The following DAB1 variants were observed in gnomAD, a reference collection of about 807,000 sequenced individuals.
DAB1 encodes disabled homolog 1.
In DAB1, 15 loss-of-function variants were observed where a neutral mutation model predicts 64.6. The observed-to-expected ratio is 0.23, with a 90% CI of 0.16 to 0.36. The LOEUF is 0.36. DAB1 is among the 10% of genes least tolerant of loss of function. The pLI, the probability that DAB1 is intolerant of heterozygous loss-of-function variation, is 1.00. For synonymous variants in DAB1, 235 were observed against 251.9 expected, an observed-to-expected ratio of 0.93 and a Z score of 0.64; for missense variants, 596 against 706.7, an observed-to-expected ratio of 0.84 and a Z score of 1.78.
chr1:57,411,714 A>T (rs1684129246), intron 1 of DAB1, among the ~76,000 whole-genome samples: 1 of 152,106 alleles, frequency 6.6e-6, no homozygotes, highest in Non-Finnish European at 1.5e-5. Context: ...CCGCATCCCC[A>T]CTGGCCCATT....
intron 7 of DAB1, among the ~76,000 whole-genome samples, chr1:57,436,339 A>G (rs1371892911): frequency 6.6e-6 from 1 of 152,202 alleles, no homozygotes; most frequent in East Asian, 1.9e-4. Flanking sequence ...CAGCTCCGTT[A>G]CAATCTTATA....
intron 7 of DAB1, among the ~76,000 whole-genome samples, chr1:57,543,134 A>G (rs1644821564): frequency 6.6e-6 from 1 of 152,046 alleles, no homozygotes; most frequent in Non-Finnish European, 1.5e-5. Context: ...CTGCTCCTGG[A>G]CTCCTGACCC....
chr1:58,415,256 C>T (rs1415204701), intron 3 of DAB1: 1 of 154,924 alleles, frequency 6.5e-6, no homozygotes, highest in Non-Finnish European at 1.4e-5. Context: ...TGCTGTCACG[C>T]TGATCTCACA....
chr1:58,535,870 G>GA (rs1329136055), intron 1 of DAB1, among the ~76,000 whole-genome samples: 3 of 151,780 alleles, frequency 2.0e-5, no homozygotes, highest in African/African-American at 4.8e-5. Flanking sequence ...TGATGTTTGG[G>GA]AAAAAAATCT....
chr1:57,984,834 G>C (rs1027422964), intron 5 of DAB1, among the ~76,000 whole-genome samples: 3 of 152,086 alleles, frequency 2.0e-5, no homozygotes, highest in African/African-American at 7.2e-5. Flanking sequence ...TCAATAAAGG[G>C]GCTTTGGAAA....
intron 1 of DAB1, among the ~76,000 whole-genome samples, chr1:57,296,887 G>C (rs771597724): frequency 6.6e-6 from 1 of 152,124 alleles, no homozygotes; most frequent in Non-Finnish European, 1.5e-5. Context: ...AAAAATTTTT[G>C]ATAAGAAGCA....
chr1:57,948,439 T>C (rs556329374), intron 5 of DAB1, among the ~76,000 whole-genome samples: 1 of 152,350 alleles, frequency 6.6e-6, no homozygotes, highest in East Asian at 1.9e-4. Context: ...GAAATGGCTC[T>C]TGTGGGCATT....
intron 4 of DAB1, among the ~76,000 whole-genome samples, chr1:57,130,271 G>A (rs77132138): frequency 6.6e-6 from 1 of 152,058 alleles, no homozygotes; most frequent in Non-Finnish European, 1.5e-5. Context: ...AAGTCTTAGA[G>A]GATTAAATTA....
At chr1:57,738,606 A>G in intron 6 of DAB1, among the ~76,000 whole-genome samples, 1 of 152,144 alleles carries the variant, frequency 6.6e-6, no homozygotes, top group East Asian at 1.9e-4. Flanking sequence ...AGGAATTGAT[A>G]TCTTTGCTCC....
intron 4 of DAB1, among the ~76,000 whole-genome samples, chr1:58,235,479 C>T (rs967068547): frequency 1.3e-5 from 2 of 152,226 alleles, no homozygotes; most frequent in Non-Finnish European, 2.9e-5. Context: ...GAGCCAGATA[C>T]ACATTCTCTT....
intron 1 of DAB1, among the ~76,000 whole-genome samples, chr1:57,383,554 T>C (rs1312618778): frequency 6.6e-6 from 1 of 152,158 alleles, no homozygotes; most frequent in East Asian, 1.9e-4. Context: ...GGTGCTGGCA[T>C]AAAGACAGAC....
chr1:57,534,385 A>G (rs1644701045), intron 7 of DAB1, among the ~76,000 whole-genome samples: 1 of 152,154 alleles, frequency 6.6e-6, no homozygotes, highest in Non-Finnish European at 1.5e-5. Flanking sequence ...AGTCACTCTC[A>G]AGGTGGATTA....
In DAB1 at chr1:57,553,424, A is replaced by AAG. The variant is rs1296903640; in HGVS notation, n.625+96166_625+96167dup. ...AAAGAAAGAAAGAAAGAAAGAAAGAAAGAAAGAAAGAAAGAAAGAGAAAGA... is the reference window on the plus strand; with the variant it reads ...AAAGAAAGAAAGAAAGAAAGAAAGAAAGAGAAAGAAAGAAAGAAAGAGAAAGA... On this transcript the variant is annotated intron_variant and non_coding_transcript_variant, in intron 7 of 20. Coordinates refer to the DAB1 transcript ENST00000485760. 8.4e-3 allele frequency among the ~76,000 whole-genome samples: 137 copies of AAG among 16,296 alleles called. 2 individuals carry two copies. The highest frequency in any genetic ancestry group is 0.012 in the Non-Finnish European group (19 of 1,650). 10.7% of individuals were successfully genotyped at this position (16,296 alleles called of 152,430 possible). A position where few individuals can be genotyped will look rare whatever the true frequency, so the allele number is the denominator to read the frequency against.
At chr1:58,095,399 C>G (rs1052375911) in intron 5 of DAB1, among the ~76,000 whole-genome samples, 2 of 152,212 alleles carry the variant, frequency 1.3e-5, no homozygotes, top group Non-Finnish European at 2.9e-5. Context: ...ACAGATAAGG[C>G]ACACAGAGGT....
chr1:57,036,968 A>G (rs1248989754), intron 9 of DAB1, among the ~76,000 whole-genome samples: 2 of 152,196 alleles, frequency 1.3e-5, no homozygotes, highest in Non-Finnish European at 2.9e-5. Context: ...AAAAAATCTC[A>G]CAAAGGAAGA....
At chr1:57,503,182 C>G (rs1361763775) in intron 7 of DAB1, among the ~76,000 whole-genome samples, 1 of 152,224 alleles carries the variant, frequency 6.6e-6, no homozygotes, top group African/African-American at 2.4e-5. Context: ...TTGGCAAACT[C>G]AAGTTCCCAA....
intron 1 of DAB1, among the ~76,000 whole-genome samples, chr1:58,534,753 G>A (rs1330483046): frequency 1.3e-5 from 2 of 152,062 alleles, no homozygotes; most frequent in Non-Finnish European, 2.9e-5. Context: ...TGGGCAACAT[G>A]GTGAAACCCC....
chr1:57,382,508 A>C (rs576944369), intron 1 of DAB1, among the ~76,000 whole-genome samples: 1 of 152,344 alleles, frequency 6.6e-6, no homozygotes, highest in African/African-American at 2.4e-5. Context: ...ATAGAAGTCC[A>C]ATAAAGGTAT....
intron 6 of DAB1, among the ~76,000 whole-genome samples, chr1:57,732,833 G>T (rs1647501714): frequency 6.6e-6 from 1 of 152,172 alleles, no homozygotes; most frequent in Non-Finnish European, 1.5e-5. Flanking sequence ...ACAGATCTCT[G>T]GAGGCCACAG....
Sources: gnomAD v4.1 joint callset for allele counts (sites outside exome capture counted in the v4.1 genomes callset) on GRCh38, gnomAD v4.1.1 for gene constraint, MANE v1.5 for transcripts, NCBI Gene and HGNC (gene_info 2026-07-23, HGNC 2026-07-21) for gene names.